The following CDKAL1 variants were observed in gnomAD, a reference collection of about 807,000 sequenced individuals.
The protein encoded by CDKAL1 is CDKAL1 threonylcarbamoyladenosine tRNA methylthiotransferase.
Under a neutral mutation model 68.2 loss-of-function variants are expected in CDKAL1, and 32 were observed. The observed-to-expected ratio is 0.47, with a 90% CI of 0.35 to 0.63. CDKAL1 has a LOEUF of 0.63. Ranked by LOEUF, CDKAL1 falls within the 30% of genes least tolerant of loss-of-function variation. The pLI is 0.00. For missense variants in CDKAL1, 606 were observed against 696.7 expected (o/e 0.87, Z 1.47); for synonymous variants, 234 against 244.3 (o/e 0.96, Z 0.39).
intron 2 of CDKAL1, among the ~76,000 whole-genome samples, chr6:20,537,030 T>C (rs1376330112): frequency 2.0e-5 from 3 of 152,110 alleles, no homozygotes; most frequent in Admixed American, 1.3e-4. Context: ...GAATTTTCTT[T>C]TTTTTCTTTT....
chr6:20,690,386 G>T (rs2127801968), intron 5 of CDKAL1, among the ~76,000 whole-genome samples: 1 of 152,150 alleles, frequency 6.6e-6, no homozygotes, highest in South Asian at 2.1e-4. Flanking sequence ...AAAAAATGTA[G>T]ATCTAGTTGA....
intron 10 of CDKAL1, among the ~76,000 whole-genome samples, chr6:20,963,909 T>A (rs1007046071): frequency 2.0e-5 from 3 of 152,196 alleles, no homozygotes; most frequent in Non-Finnish European, 2.9e-5. Flanking sequence ...TGAAATGCTT[T>A]AATCCACATT....
intron 13 of CDKAL1, among the ~76,000 whole-genome samples, chr6:21,150,908 G>C (rs955076508): frequency 1.3e-5 from 2 of 152,148 alleles, no homozygotes; most frequent in African/African-American, 4.8e-5. Context: ...CTACTCAAAT[G>C]ACAGCAGTGC....
intron 9 of CDKAL1, among the ~76,000 whole-genome samples, chr6:20,909,181 ATGTATGTG>A (rs1318863206): frequency 7.5e-6 from 1 of 133,222 alleles, no homozygotes; most frequent in Admixed American, 7.9e-5. Flanking sequence ...ATATGTGTGC[ATGTATGTG>A]TGTGTGTGTG....
At chr6:21,080,327 C>G (rs1205637641) in intron 12 of CDKAL1, among the ~76,000 whole-genome samples, 1 of 152,062 alleles carries the variant, frequency 6.6e-6, no homozygotes, top group Non-Finnish European at 1.5e-5. Context: ...TGGAAGCAGA[C>G]CTTGTCAAGA....
At chr6:20,875,856 T>G (rs2150551893) in intron 9 of CDKAL1, among the ~76,000 whole-genome samples, 1 of 152,340 alleles carries the variant, frequency 6.6e-6, no homozygotes, top group Non-Finnish European at 1.5e-5. Context: ...GTCCTGACTC[T>G]GTGTGTGATT....
chr6:20,725,285 G>C (rs1174081287), intron 5 of CDKAL1, among the ~76,000 whole-genome samples: 2 of 152,158 alleles, frequency 1.3e-5, no homozygotes, highest in South Asian at 4.1e-4. Context: ...TTCATAATAG[G>C]AATATAGAAT....
At chr6:20,825,567 T>G (rs1311780309) in intron 8 of CDKAL1, among the ~76,000 whole-genome samples, 1 of 152,154 alleles carries the variant, frequency 6.6e-6, no homozygotes, top group Non-Finnish European at 1.5e-5. Context: ...ATTTGTTAAG[T>G]ATTAATGATA....
intron 2 of CDKAL1, among the ~76,000 whole-genome samples, chr6:20,540,736 G>A (rs1471961940): frequency 2.0e-5 from 3 of 152,192 alleles, no homozygotes; most frequent in South Asian, 2.1e-4. Flanking sequence ...GATTACAGGC[G>A]TGAGCCACCA....
intron 13 of CDKAL1, among the ~76,000 whole-genome samples, chr6:21,197,497 G>T (rs1778520853): frequency 2.0e-5 from 3 of 152,218 alleles, no homozygotes; most frequent in Admixed American, 6.5e-5. Context: ...TTTCAGAATT[G>T]TATGTAAGAT....
chr6:21,026,325 G>T (rs937447274), intron 11 of CDKAL1, among the ~76,000 whole-genome samples: 1 of 151,908 alleles, frequency 6.6e-6, no homozygotes, highest in Admixed American at 6.6e-5. Flanking sequence ...TACTCATTTT[G>T]TGGAATTCTT....
rs866588449 is a variant in CDKAL1 at position 21,192,082 on chromosome 6, C to T, written c.1300-5939C>T. ...CAGGCCGGACTGCGGACTGCAGTGG[C>T]GCAATCTCGGCTCACTGCAAGCTCC... On this transcript the variant is annotated intron_variant, in intron 13 of 15. Coordinates refer to ENST00000274695, the MANE Select transcript of CDKAL1 (RefSeq NM_017774.3). Among the ~76,000 whole-genome samples the T allele has an allele frequency of 7.5e-3, 873 of 116,520 alleles. 9 individuals are homozygous for T. The highest frequency in any genetic ancestry group is 0.027 in the African/African-American group (819 of 30,886). 76.4% of individuals were successfully genotyped at this position (116,520 alleles called of 152,430 possible).
intron 12 of CDKAL1, among the ~76,000 whole-genome samples, chr6:21,071,447 T>C (rs1771765606): frequency 6.6e-6 from 1 of 152,190 alleles, no homozygotes; most frequent in African/African-American, 2.4e-5. Flanking sequence ...CAATTAAACC[T>C]CTTTTCTTTA....
At chr6:20,867,942 C>T (rs528357994) in intron 9 of CDKAL1, among the ~76,000 whole-genome samples, 1 of 152,112 alleles carries the variant, frequency 6.6e-6, no homozygotes, top group South Asian at 2.1e-4. Context: ...GTACGTATTC[C>T]ATATATAGTA....
chr6:20,674,301 T>C (rs1769987285), intron 5 of CDKAL1, among the ~76,000 whole-genome samples: 1 of 152,228 alleles, frequency 6.6e-6, no homozygotes, highest in Admixed American at 6.5e-5. Context: ...GTGGAGATAG[T>C]GGATAATCTT....
At chr6:20,751,331 G>T (rs1224543005) in intron 6 of CDKAL1, among the ~76,000 whole-genome samples, 2 of 152,118 alleles carry the variant, frequency 1.3e-5, no homozygotes, top group Non-Finnish European at 2.9e-5. Context: ...AAACTGAGTG[G>T]CTCCCTTAGC....
chr6:20,823,864 C>A (rs1452453844), intron 8 of CDKAL1, among the ~76,000 whole-genome samples: 1 of 152,068 alleles, frequency 6.6e-6, no homozygotes, highest in Non-Finnish European at 1.5e-5. Flanking sequence ...AGAATGATGT[C>A]TTTTGCTTCC....
At chr6:21,045,266 T>C (rs1158047376) in intron 11 of CDKAL1, among the ~76,000 whole-genome samples, 1 of 152,220 alleles carries the variant, frequency 6.6e-6, no homozygotes, top group Admixed American at 6.5e-5. Context: ...GGAATACTCC[T>C]GGCAGTGACT....
At chr6:20,723,335 T>G (rs1183296026) in intron 5 of CDKAL1, among the ~76,000 whole-genome samples, 1 of 152,174 alleles carries the variant, frequency 6.6e-6, no homozygotes, top group Non-Finnish European at 1.5e-5. Flanking sequence ...GGCTTTGGGG[T>G]CATGGGCATC....
Sources: gnomAD v4.1 joint callset for allele counts (sites outside exome capture counted in the v4.1 genomes callset) on GRCh38, gnomAD v4.1.1 for gene constraint, MANE v1.5 for transcripts, NCBI Gene and HGNC (gene_info 2026-07-23, HGNC 2026-07-21) for gene names.